Variants in RUNX1 observed in about 807,000 individuals in gnomAD.
RUNX1 encodes runt-related transcription factor 1.
In RUNX1, 19 loss-of-function variants were observed where a neutral mutation model predicts 42.8. The ratio of observed to expected loss-of-function variants is 0.44; its 90% CI spans 0.31 to 0.65. The LOEUF (loss-of-function observed/expected upper bound fraction) is 0.65. RUNX1 is among the 30% of genes least tolerant of loss of function. The pLI is 0.07. For missense variants in RUNX1, 528 were observed against 672.0 expected, an observed-to-expected ratio of 0.79 and a Z score of 2.37; for synonymous variants, 271 against 289.4, an observed-to-expected ratio of 0.94 and a Z score of 0.64.
intron 7 of RUNX1, chr21:34,821,327 C>T (rs952710065): frequency 1.1e-5 from 13 of 1,159,920 alleles, no homozygotes; most frequent in Admixed American, 8.4e-5. Context: ...GAAAGTGTAC[C>T]GGGATCCATG....
chr21:34,945,117 G>C (rs1371932749), intron 2 of RUNX1, among the ~76,000 whole-genome samples: 1 of 152,160 alleles, frequency 6.6e-6, no homozygotes, highest in Non-Finnish European at 1.5e-5. Flanking sequence ...AATATTTGTT[G>C]AGTATCTGTG....
At chr21:34,896,816 C>T (rs2058134365) in intron 2 of RUNX1, among the ~76,000 whole-genome samples, 1 of 152,110 alleles carries the variant, frequency 6.6e-6, no homozygotes, top group Non-Finnish European at 1.5e-5. Flanking sequence ...ACAGAGAGTG[C>T]CATGTAACCT....
At chr21:34,896,372 G>T (rs1317732961) in intron 2 of RUNX1, among the ~76,000 whole-genome samples, 1 of 152,058 alleles carries the variant, frequency 6.6e-6, no homozygotes, top group Non-Finnish European at 1.5e-5. Context: ...AAAGAGGAGA[G>T]AATAAGTAAT....
At chr21:34,892,388 T>TA (rs1245659885) in intron 3 of RUNX1, among the ~76,000 whole-genome samples, 8 of 152,234 alleles carry the variant, frequency 5.3e-5, no homozygotes, top group Non-Finnish European at 1.2e-4. Context: ...GGAGAGCCCT[T>TA]AGTTCTTCCA....
At chr21:34,978,937 TACACACACACACACACACACACAC>T (rs10673190) in intron 2 of RUNX1, among the ~76,000 whole-genome samples, 1 of 134,054 alleles carries the variant, frequency 7.5e-6, no homozygotes, top group African/African-American at 2.9e-5. Flanking sequence ...CACACACAGA[TACACACACACACACACACACACAC>T]ACACACACAC....
intron 2 of RUNX1, among the ~76,000 whole-genome samples, chr21:34,936,737 C>T (rs1373163980): frequency 6.6e-6 from 1 of 152,118 alleles, no homozygotes; most frequent in Non-Finnish European, 1.5e-5. Flanking sequence ...CTGTAATTGC[C>T]GGCTGGAGTG....
intron 3 of RUNX1, among the ~76,000 whole-genome samples, chr21:34,891,812 C>T (rs181159694): frequency 8.4e-4 from 128 of 152,106 alleles, no homozygotes; most frequent in African/African-American, 2.9e-3. Flanking sequence ...TTGAAAACGG[C>T]TCACAACAGG....
chr21:35,048,789 A>G, intron 2 of RUNX1, 53 bp downstream of exon 2: 5 of 1,490,526 alleles, frequency 3.4e-6, no homozygotes, highest in South Asian at 1.1e-5. Context: ...CTGCCATTTC[A>G]TTACAGGCAA....
rs1293970246 is a variant in RUNX1, at chr21:34,788,841, G to A, written c.*3294C>T. On this transcript the variant is annotated 3_prime_UTR_variant, in exon 9 of 9. Transcript: ENST00000675419. ...GTCAAACAAATTTTCATGTATAAAAGACCCAAACATGTCATTCCCCCCAAA... is the reference window on the plus strand; with the variant it reads ...GTCAAACAAATTTTCATGTATAAAAAACCCAAACATGTCATTCCCCCCAAA... 1.7e-5 allele frequency: 4 copies of A among 233,302 alleles called. No individual in the cohort carries two copies. The highest frequency in any genetic ancestry group is 6.6e-5 in the African/African-American group (3 of 45,330). The allele number at this position is 233,302 out of a possible 1,614,324, so 14.5% of individuals were successfully genotyped here.
At chr21:34,926,240 C>T (rs573963478) in intron 2 of RUNX1, among the ~76,000 whole-genome samples, 10 of 151,442 alleles carry the variant, frequency 6.6e-5, no homozygotes, top group East Asian at 1.9e-4. Flanking sequence ...TTTGTGAGGT[C>T]GAGGTGGGCA....
chr21:34,874,165 C>A (rs1171982811), intron 5 of RUNX1, among the ~76,000 whole-genome samples: 1 of 151,812 alleles, frequency 6.6e-6, no homozygotes, highest in Non-Finnish European at 1.5e-5. Flanking sequence ...CACACGCACA[C>A]ACACACGCAC....
At chr21:34,934,040 T>C (rs1283119085) in intron 2 of RUNX1, among the ~76,000 whole-genome samples, 1 of 152,140 alleles carries the variant, frequency 6.6e-6, no homozygotes, top group Non-Finnish European at 1.5e-5. Flanking sequence ...TGAGAGGCAG[T>C]GGATAGGGAG....
At chr21:34,943,072 G>A (rs998365062) in intron 2 of RUNX1, among the ~76,000 whole-genome samples, 1 of 152,126 alleles carries the variant, frequency 6.6e-6, no homozygotes, top group African/African-American at 2.4e-5. Flanking sequence ...AGCAGTTGGG[G>A]GATATGGAAA....
chr21:34,905,142 C>T (rs73900577), intron 2 of RUNX1, among the ~76,000 whole-genome samples: 2,313 of 152,246 alleles, frequency 0.015, 51 homozygotes, highest in African/African-American at 0.052. Flanking sequence ...CTAGGAGACC[C>T]GCACGCCCCC....
At chr21:34,939,045 G>A (rs2058507264) in intron 2 of RUNX1, among the ~76,000 whole-genome samples, 1 of 152,178 alleles carries the variant, frequency 6.6e-6, no homozygotes, top group Non-Finnish European at 1.5e-5. Context: ...TAGATGAAAT[G>A]TATAAATAAA....
intron 7 of RUNX1, among the ~76,000 whole-genome samples, chr21:34,807,738 C>T (rs914101867): frequency 1.3e-5 from 2 of 152,136 alleles, no homozygotes; most frequent in African/African-American, 2.4e-5. Context: ...TGTGTTAGGG[C>T]GAGCCCCAGT....
At chr21:34,973,072 A>C (rs1022020992) in intron 2 of RUNX1, among the ~76,000 whole-genome samples, 8 of 152,124 alleles carry the variant, frequency 5.3e-5, no homozygotes, top group Non-Finnish European at 8.8e-5. Context: ...ACTTGAATGG[A>C]TTCCCCAGCT....
At chr21:34,845,974 T>C (rs1008263077) in intron 6 of RUNX1, among the ~76,000 whole-genome samples, 4 of 152,048 alleles carry the variant, frequency 2.6e-5, no homozygotes, top group Admixed American at 1.3e-4. Context: ...ATTATGAAGA[T>C]AGGTAGGGCA....
chr21:34,816,117 G>A (rs998129736), intron 7 of RUNX1, among the ~76,000 whole-genome samples: 4 of 152,212 alleles, frequency 2.6e-5, no homozygotes, highest in Non-Finnish European at 5.9e-5. Context: ...AAGGGCCCCA[G>A]CAGAGAGTTG....
Sources: gnomAD v4.1 joint callset for allele counts (sites outside exome capture counted in the v4.1 genomes callset) on GRCh38, gnomAD v4.1.1 for gene constraint, MANE v1.5 for transcripts, NCBI Gene and HGNC (gene_info 2026-07-23, HGNC 2026-07-21) for gene names.